Variants in SLC1A1 observed in about 807,000 individuals in gnomAD.
SLC1A1 encodes the protein excitatory amino acid transporter 3.
In SLC1A1, 43 loss-of-function variants were observed where a neutral mutation model predicts 53.3. That is an observed-to-expected ratio of 0.81 (90% CI 0.63 to 1.04). SLC1A1 has a LOEUF of 1.04. Among genes scored for constraint, SLC1A1 ranks in the 50% least tolerant of loss-of-function variants. The pLI, the probability that SLC1A1 is intolerant of heterozygous loss-of-function variation, is 0.00. For missense variants in SLC1A1, 748 were observed against 664.9 expected (o/e 1.12, Z -1.37); for synonymous variants, 307 against 243.2 (o/e 1.26, Z -2.44).
chr9:4,579,091 GAAGAC>G (rs1820825960), intron 10 of SLC1A1, among the ~76,000 whole-genome samples: 1 of 152,230 alleles, frequency 6.6e-6, no homozygotes, highest in Non-Finnish European at 1.5e-5. Flanking sequence ...TCTGTTGGCT[GAAGAC>G]AAGTGCAAAA....
intron 1 of SLC1A1, among the ~76,000 whole-genome samples, chr9:4,536,582 T>G (rs983495589): frequency 6.6e-6 from 1 of 152,194 alleles, no homozygotes; most frequent in African/African-American, 2.4e-5. Context: ...GGAACACTTT[T>G]ACACTGTTGG....
chr9:4,562,065 C>CTTT (rs745615028), intron 3 of SLC1A1, among the ~76,000 whole-genome samples: 5 of 94,280 alleles, frequency 5.3e-5, no homozygotes, highest in Non-Finnish European at 6.1e-5. Context: ...GCCCTAACTA[C>CTTT]TTTTTTTTTT....
In SLC1A1 at chr9:4,576,732, G is replaced by C; in HGVS notation, c.1162G>C (p.Asp388His). ...GTTTATTGCACAGTTGAATGACCTG[G>C]ACTTGGGCATTGGGCAGATCATCAC... ...AVFIAQLNDL[D>H]LGIGQIITIS... Residue 388 changes from aspartate to histidine, a missense_variant, in exon 10 of 12, where the codon GAC (aspartate) becomes CAC (histidine). Coordinates refer to ENST00000262352, the MANE Select transcript of SLC1A1 (RefSeq NM_004170.6). 6.2e-7 allele frequency: 1 copy of C among 1,614,180 alleles called. No individual in the cohort carries two copies. The highest frequency in any genetic ancestry group is 8.5e-7 in the Non-Finnish European group (1 of 1,180,030).
chr9:4,511,132 A>C (rs1247269850), intron 1 of SLC1A1, among the ~76,000 whole-genome samples: 1 of 152,254 alleles, frequency 6.6e-6, no homozygotes, highest in Non-Finnish European at 1.5e-5. Flanking sequence ...GACAGAAATC[A>C]CTTTAAAAAC....
chr9:4,533,710 A>G (rs1586721685), intron 1 of SLC1A1, among the ~76,000 whole-genome samples: 1 of 152,312 alleles, frequency 6.6e-6, no homozygotes, highest in South Asian at 2.1e-4. Flanking sequence ...TGCACCAAGC[A>G]GACCTAACAG....
intron 1 of SLC1A1, among the ~76,000 whole-genome samples, chr9:4,539,407 G>C (rs1816819847): frequency 6.6e-6 from 1 of 152,138 alleles, no homozygotes; most frequent in African/African-American, 2.4e-5. Flanking sequence ...CAGAACCTCT[G>C]AGACAAGGCT....
At chr9:4,497,752 G>A (rs1318278311) in intron 1 of SLC1A1, among the ~76,000 whole-genome samples, 3 of 151,886 alleles carry the variant, frequency 2.0e-5, no homozygotes, top group Admixed American at 6.6e-5. Flanking sequence ...ACATTTCACA[G>A]GCACTAAAAA....
chr9:4,508,319 T>C (rs1820872000), intron 1 of SLC1A1, among the ~76,000 whole-genome samples: 1 of 152,140 alleles, frequency 6.6e-6, no homozygotes, highest in African/African-American at 2.4e-5. Flanking sequence ...CAAGCACACA[T>C]GCATGGTACT....
chr9:4,576,498 G>A, intron 9 of SLC1A1, 71 bp from the exon 10 acceptor site: 1 of 1,251,822 alleles, frequency 8.0e-7, no homozygotes, highest in Non-Finnish European at 1.2e-6. Context: ...TTGGAAGACA[G>A]GCATGTCTTC....
chr9:4,508,040 A>T (rs1034712260), intron 1 of SLC1A1, among the ~76,000 whole-genome samples: 3 of 152,300 alleles, frequency 2.0e-5, no homozygotes, highest in Admixed American at 2.0e-4. Context: ...AAACCGTACA[A>T]GTCTGAGCCA....
intron 10 of SLC1A1, among the ~76,000 whole-genome samples, chr9:4,580,599 A>ATGTGTGTG (rs770759737): frequency 1.6e-3 from 83 of 51,046 alleles, no homozygotes; most frequent in Admixed American, 2.4e-3. Context: ...AAAAAAATAT[A>ATGTGTGTG]TATGTGTGTG....
chr9:4,509,764 A>G (rs1161383395), intron 1 of SLC1A1, among the ~76,000 whole-genome samples: 2 of 152,180 alleles, frequency 1.3e-5, no homozygotes, highest in Non-Finnish European at 2.9e-5. Flanking sequence ...ATGAGGTGCC[A>G]TGCTGAAAGG....
intron 6 of SLC1A1, among the ~76,000 whole-genome samples, chr9:4,570,694 T>C (rs142309804): frequency 5.3e-5 from 8 of 152,226 alleles, no homozygotes; most frequent in African/African-American, 1.9e-4. Flanking sequence ...ATAAACATAG[T>C]TGGCACCACT....
chr9:4,548,923 T>C (rs1817702270), intron 2 of SLC1A1, among the ~76,000 whole-genome samples: 1 of 152,192 alleles, frequency 6.6e-6, no homozygotes, highest in Admixed American at 6.5e-5. Flanking sequence ...AATATCTGTG[T>C]TTGGGATCTG....
In SLC1A1 at chr9:4,564,399, T is replaced by A. The variant is rs1427120604; in HGVS notation, c.381T>A (p.Ile127=). The A allele has an allele frequency of 1.9e-6, 3 of 1,613,926 alleles. No homozygotes were observed. In the East Asian group the frequency reaches 6.7e-5, roughly 36 times the overall value. Residue 127 remains isoleucine, a synonymous_variant, in exon 4 of 12, where the codon ATT becomes ATA. Transcript: ENST00000262352. ...GTGTCACCCAGAAAGTGGGTGAAAT[T>A]GCGAGGACAGGCAGCACCCCTGAAG... The part of the protein sequence containing the change: ...KPGVTQKVGE[I]ARTGSTPEVS...
intron 7 of SLC1A1, among the ~76,000 whole-genome samples, chr9:4,573,282 A>G (rs16921509): frequency 0.014 from 2,055 of 152,180 alleles, 41 homozygotes; most frequent in African/African-American, 0.046. Flanking sequence ...ACAGTGATGT[A>G]AAGGGTTCAG....
In SLC1A1 at chr9:4,581,024, C is replaced by T. The variant is rs1272949383; in HGVS notation, c.1194-2014C>T. On this transcript the variant is annotated intron_variant, in intron 10 of 11. Transcript: ENST00000262352. ...ACTATACAAGTGCTATCCCAGATGC[C>T]TTACGTGTATTAACCTCATTTAATC... 2.6e-5 allele frequency among the ~76,000 whole-genome samples: 4 copies of T among 152,286 alleles called. No homozygotes were observed. The Middle Eastern group carries it at 0.01, about 388-fold the overall frequency.
chr9:4,532,168 C>T lies in SLC1A1; in HGVS notation c.92-12399C>T, dbSNP rs192698162. ...GAGCGCCTCTCCTCCTCCAAAGGAA[C>T]GCAGCTCCTTACCAGCAATGGAACA... On this transcript the variant is annotated intron_variant, in intron 1 of 11. Transcript: ENST00000262352. Among the ~76,000 whole-genome samples, 450 of 152,222 alleles carry T rather than the reference C, an allele frequency of 3.0e-3. 4 individuals carry two copies. Among genetic ancestry groups the T allele is most frequent in the African/African-American group, 9.6e-3 (400 of 41,528 alleles).
chr9:4,535,008 C>T (rs1212641155), intron 1 of SLC1A1, among the ~76,000 whole-genome samples: 1 of 152,194 alleles, frequency 6.6e-6, no homozygotes. Context: ...AATTCAACAA[C>T]CCTTCATTCT....
Sources: gnomAD v4.1 joint callset for allele counts (sites outside exome capture counted in the v4.1 genomes callset) on GRCh38, gnomAD v4.1.1 for gene constraint, MANE v1.5 for transcripts, NCBI Gene and HGNC (gene_info 2026-07-23, HGNC 2026-07-21) for gene names.